Variants in KHDRBS2 observed in about 807,000 individuals in gnomAD.
KHDRBS2 encodes KH domain-containing, RNA-binding, signal transduction-associated protein 2.
A neutral mutation model predicts 44.3 loss-of-function variants in KHDRBS2; 26 were observed. That is an observed-to-expected ratio of 0.59 (90% confidence interval 0.43 to 0.81). KHDRBS2 has a LOEUF of 0.81. KHDRBS2 is among the 40% of genes least tolerant of loss of function. The pLI is 0.00. For synonymous variants in KHDRBS2, 194 were observed against 151.1 expected (o/e 1.28, Z -2.08); for missense variants, 476 against 433.1 (o/e 1.10, Z -0.88).
intron 6 of KHDRBS2, among the ~76,000 whole-genome samples, chr6:61,832,151 C>G (rs1474150315): frequency 2.0e-5 from 3 of 152,084 alleles, no homozygotes; most frequent in African/African-American, 7.2e-5. Flanking sequence ...GGAGGATCAC[C>G]TGAGCCCAGC....
the KHDRBS2 span, among the ~76,000 whole-genome samples, chr6:61,565,529 G>C: frequency 6.6e-6 from 1 of 152,200 alleles, no homozygotes; most frequent in East Asian, 1.9e-4. Flanking sequence ...CTTTTCAAAA[G>C]AAGACATACA....
intron 8 of KHDRBS2, among the ~76,000 whole-genome samples, chr6:61,681,774 A>G (rs546225491): frequency 9.9e-5 from 15 of 152,046 alleles, no homozygotes; most frequent in Admixed American, 8.5e-4. Flanking sequence ...GAAATCTATT[A>G]TTCCAAAAAA....
chr6:61,855,016 C>T (rs1765301813), intron 6 of KHDRBS2, among the ~76,000 whole-genome samples: 1 of 152,026 alleles, frequency 6.6e-6, no homozygotes. Context: ...ATTTAACCTC[C>T]CCTAATGTTC....
the KHDRBS2 span, among the ~76,000 whole-genome samples, chr6:61,660,594 T>C: frequency 6.6e-6 from 1 of 151,948 alleles, no homozygotes; most frequent in African/African-American, 2.4e-5. Context: ...TCTGTATCTC[T>C]GATCAGCCAT....
intron 4 of KHDRBS2, among the ~76,000 whole-genome samples, chr6:61,974,243 T>C (rs1190049621): frequency 1.3e-5 from 2 of 152,122 alleles, no homozygotes; most frequent in Admixed American, 6.6e-5. Context: ...TGGTCCTAGG[T>C]AGTACTATTC....
At chr6:62,271,936 TAA>T (rs1840160012) in intron 1 of KHDRBS2, among the ~76,000 whole-genome samples, 1 of 152,168 alleles carries the variant, frequency 6.6e-6, no homozygotes, top group Non-Finnish European at 1.5e-5. Context: ...ACAGTGTTTA[TAA>T]AGTCTACAGT....
intron 6 of KHDRBS2, among the ~76,000 whole-genome samples, chr6:61,822,474 A>G (rs1376609811): frequency 6.6e-6 from 1 of 151,900 alleles, no homozygotes; most frequent in Non-Finnish European, 1.5e-5. Context: ...CATCTTCATC[A>G]GTGCTTCAAT....
chr6:62,216,687 C>A lies in KHDRBS2; in HGVS notation c.92-39375G>T, dbSNP rs1425952481. Among the ~76,000 whole-genome samples, 7 of 112,298 alleles carry A rather than the reference C, an allele frequency of 6.2e-5. 1 individual carries two copies. Among genetic ancestry groups the A allele is most frequent in the Admixed American group, 9.1e-5 (1 of 10,968 alleles). The allele number at this position is 112,298 out of a possible 152,430, so 73.7% of individuals were successfully genotyped here. On this transcript the variant is annotated intron_variant, in intron 1 of 8. Coordinates refer to ENST00000281156, the MANE Select transcript of KHDRBS2 (RefSeq NM_152688.4). ...TGCTTCAAATAATCTAAACATATTTCTTTCTCCTCTTTTTTTTTTTTTTGT... is the reference window on the plus strand; with the variant it reads ...TGCTTCAAATAATCTAAACATATTTATTTCTCCTCTTTTTTTTTTTTTTGT...
At chr6:62,273,544 G>T (rs1840423566) in intron 1 of KHDRBS2, among the ~76,000 whole-genome samples, 1 of 152,208 alleles carries the variant, frequency 6.6e-6, no homozygotes, top group South Asian at 2.1e-4. Flanking sequence ...AGTCAACTTT[G>T]AAGATGAGTT....
At chr6:61,678,287 A>T (rs1201974965), downstream of KHDRBS2, among the ~76,000 whole-genome samples, 2 of 151,984 alleles carry the variant, frequency 1.3e-5, no homozygotes, top group East Asian at 3.9e-4. Context: ...TTTATTGGCT[A>T]AAGTTTTCAA....
the KHDRBS2 span, among the ~76,000 whole-genome samples, chr6:61,556,810 A>T: frequency 6.6e-6 from 1 of 151,834 alleles, no homozygotes; most frequent in Admixed American, 6.6e-5. Flanking sequence ...CTAAAGGGTC[A>T]ATATTTAATA....
intron 8 of KHDRBS2, among the ~76,000 whole-genome samples, chr6:61,684,030 G>T (rs1218863202): frequency 1.3e-5 from 2 of 151,890 alleles, no homozygotes; most frequent in African/African-American, 2.4e-5. Context: ...AGCAAAGAGA[G>T]ATCAGGAAAA....
chr6:61,615,005 G>C, the KHDRBS2 span, among the ~76,000 whole-genome samples: 1 of 151,918 alleles, frequency 6.6e-6, no homozygotes, highest in South Asian at 2.1e-4. Flanking sequence ...AGACTGAGGT[G>C]GGTGGATCAT....
chr6:62,211,829 T>C (rs1368169741), intron 1 of KHDRBS2, among the ~76,000 whole-genome samples: 2 of 152,178 alleles, frequency 1.3e-5, no homozygotes, highest in Non-Finnish European at 2.9e-5. Flanking sequence ...GGAATATAAA[T>C]CATTCTATTA....
chr6:61,803,218 A>G (rs1786566692), intron 6 of KHDRBS2, among the ~76,000 whole-genome samples: 1 of 152,284 alleles, frequency 6.6e-6, no homozygotes, highest in Non-Finnish European at 1.5e-5. Flanking sequence ...AATTGGTTTC[A>G]GACTCAAAGA....
At chr6:61,668,285 C>G in the KHDRBS2 span, among the ~76,000 whole-genome samples, 1 of 150,900 alleles carries the variant, frequency 6.6e-6, no homozygotes, top group Admixed American at 6.6e-5. Context: ...CTGGACAAAT[C>G]TTAAGGTGCA....
chr6:61,562,979 G>A, the KHDRBS2 span, among the ~76,000 whole-genome samples: 1 of 152,010 alleles, frequency 6.6e-6, no homozygotes, highest in Admixed American at 6.6e-5. Flanking sequence ...GCATTTTAGT[G>A]GATTACCTGT....
At chr6:61,936,982 T>C (rs564307970) in intron 4 of KHDRBS2, among the ~76,000 whole-genome samples, 2 of 152,178 alleles carry the variant, frequency 1.3e-5, no homozygotes, top group East Asian at 3.9e-4. Context: ...GTTTATAGTT[T>C]TGAAATTTTT....
chr6:61,855,085 C>A (rs1795959353), intron 6 of KHDRBS2, among the ~76,000 whole-genome samples: 1 of 152,050 alleles, frequency 6.6e-6, no homozygotes, highest in Non-Finnish European at 1.5e-5. Context: ...TGAACTGAAA[C>A]CTCAATTTTT....
Sources: allele counts gnomAD v4.1 joint callset (sites outside exome capture counted in the v4.1 genomes callset), GRCh38; gene constraint gnomAD v4.1.1; transcripts MANE v1.5; gene names NCBI Gene and HGNC (gene_info 2026-07-23, HGNC 2026-07-21).